The following C2CD3 variants were observed in gnomAD, a reference collection of about 807,000 sequenced individuals.
C2CD3 encodes the protein C2 domain containing 3 centriole elongation regulator.
A neutral mutation model predicts 234.0 loss-of-function variants in C2CD3; 148 were observed. That is an observed-to-expected ratio of 0.63 (90% CI 0.55 to 0.72). C2CD3 has a LOEUF of 0.72. C2CD3 is among the 30% of genes least tolerant of loss of function. C2CD3 has a pLI of 0.00. For missense variants in C2CD3, 2,577 were observed against 2,811.5 expected (o/e 0.92, Z 1.89); for synonymous variants, 1,000 against 1,035.4 (o/e 0.97, Z 0.66).
intron 7 of C2CD3, among the ~76,000 whole-genome samples, chr11:74,130,148 G>C (rs1210335689): frequency 7.4e-6 from 1 of 135,872 alleles, no homozygotes; most frequent in African/African-American, 3.3e-5. Context: ...AGAGGGAGAG[G>C]GGAGAGGGGA....
At chr11:74,070,669 G>A (rs4944036) in intron 24 of C2CD3, 73,056 of 151,862 alleles carry the variant, frequency 0.48, 17,577 homozygotes, top group Non-Finnish European at 0.48. Flanking sequence ...CAACAAATAT[G>A]ACCTTGCCTC....
chr11:74,165,111 A>G (rs1856720006), intron 2 of C2CD3, among the ~76,000 whole-genome samples: 1 of 152,204 alleles, frequency 6.6e-6, no homozygotes, highest in Non-Finnish European at 1.5e-5. Context: ...GAAATAAATA[A>G]AATGATTTTA....
chr11:74,140,362 G>A (rs958582995), intron 3 of C2CD3, among the ~76,000 whole-genome samples: 25 of 151,728 alleles, frequency 1.6e-4, no homozygotes, highest in Admixed American at 4.6e-4. Flanking sequence ...CCTTCTTTAC[G>A]TCTAAGTAGA....
intron 3 of C2CD3, among the ~76,000 whole-genome samples, chr11:74,153,292 G>T (rs1363424607): frequency 2.0e-5 from 3 of 152,048 alleles, no homozygotes; most frequent in Non-Finnish European, 4.4e-5. Flanking sequence ...CCTATGAAAA[G>T]AAAGAATGAA....
chr11:74,168,583 AG>A lies in C2CD3; in HGVS notation c.85del (p.Leu29CysfsTer13). 6.2e-7 allele frequency: 1 copy of A among 1,614,216 alleles called. No individual in the cohort carries two copies. The highest frequency in any genetic ancestry group is 2.2e-5 in the East Asian group (1 of 44,886). On this transcript the variant is annotated frameshift_variant, in exon 2 of 33. Transcript: ENST00000334126. LOFTEE classifies it high-confidence loss of function. ...GLSDISPSTS[L>X]PPLVEGQLRC... Reference sequence around the variant, plus strand: ...TAGCTGGCCTTCAACCAGAGGTGGCAGGCTTGTAGATGGAGAAATGTCACTT... The same window carrying A: ...TAGCTGGCCTTCAACCAGAGGTGGCAGCTTGTAGATGGAGAAATGTCACTT...
At chr11:74,036,501 G>C (rs1952747529) in intron 30 of C2CD3, 1 of 455,958 alleles carries the variant, frequency 2.2e-6, no homozygotes, top group Non-Finnish European at 4.4e-6. Flanking sequence ...GAAGAAGACA[G>C]AAAGAAGGTT....
chr11:74,130,754 T>C (rs1428687726), intron 7 of C2CD3, among the ~76,000 whole-genome samples: 1 of 152,192 alleles, frequency 6.6e-6, no homozygotes, highest in Non-Finnish European at 1.5e-5. Flanking sequence ...TGTTCTGTAG[T>C]AAGCTTTAAA....
chr11:74,078,597 T>C lies in C2CD3; in HGVS notation c.4121A>G (p.Asp1374Gly). 4 of 1,614,032 alleles carry C rather than the reference T, an allele frequency of 2.5e-6. No homozygotes were observed. Among genetic ancestry groups the C allele is most frequent in the Non-Finnish European group, 3.4e-6 (4 of 1,180,004 alleles). ...ELSISFTHRGDRERVLEAAEH... is the reference protein window; with the variant it reads ...ELSISFTHRGGRERVLEAAEH... The stretch of plus-strand genomic sequence containing the variant: ...AGCAGCTTCCAACACCCGTTCTCTA[T>C]CTCCACGATGCGTGAAGGAAATCGA... The change falls in exon 23 of 33, where the codon GAT becomes GGT. Residue 1374 changes from aspartate to glycine, a missense_variant. Coordinates refer to ENST00000334126, the MANE Select transcript of C2CD3 (RefSeq NM_001286577.2).
chr11:74,170,720 T>C lies in C2CD3; in HGVS notation c.55+18A>G, dbSNP rs376077620. The C allele has an allele frequency of 6.1e-5, 98 of 1,614,062 alleles. No individual in the cohort carries two copies. Among genetic ancestry groups the C allele is most frequent in the Non-Finnish European group, 7.9e-5 (93 of 1,180,018 alleles). ...CTCTCCTATTACGCTTTCCTCAATC[T>C]TTGATCGCTCAGGTTACCTCTTTTT... is the stretch of plus-strand genomic sequence containing the variant. On this transcript the variant is annotated intron_variant, in intron 1 of 32. Transcript: ENST00000334126.
At chr11:74,145,173 A>G (rs926355002) in intron 3 of C2CD3, among the ~76,000 whole-genome samples, 1 of 152,180 alleles carries the variant, frequency 6.6e-6, no homozygotes, top group African/African-American at 2.4e-5. Flanking sequence ...GAACTGATTT[A>G]TGCTCCCACC....
chr11:74,082,307 G>C (rs980475274), intron 22 of C2CD3, among the ~76,000 whole-genome samples: 15 of 152,110 alleles, frequency 9.9e-5, no homozygotes, highest in African/African-American at 3.4e-4. Context: ...AGTAGAGATG[G>C]GGTTTCACCT....
chr11:74,136,873 A>G (rs1022162935), intron 5 of C2CD3, among the ~76,000 whole-genome samples: 2 of 152,080 alleles, frequency 1.3e-5, no homozygotes, highest in Non-Finnish European at 2.9e-5. Flanking sequence ...GGGTGCAGCA[A>G]ACATCATGGC....
At chr11:74,025,629 T>G (rs1055959005) in intron 32 of C2CD3, among the ~76,000 whole-genome samples, 1 of 152,076 alleles carries the variant, frequency 6.6e-6, no homozygotes, top group African/African-American at 2.4e-5. Context: ...CGCTGACAGT[T>G]CATCCAAGAC....
intron 3 of C2CD3, among the ~76,000 whole-genome samples, chr11:74,159,823 T>G (rs751995936): frequency 2.0e-5 from 3 of 152,134 alleles, no homozygotes; most frequent in Non-Finnish European, 4.4e-5. Flanking sequence ...GGCCTTCACA[T>G]TCACTCACCA....
chr11:74,112,680 A>C (rs1326793562), intron 11 of C2CD3, among the ~76,000 whole-genome samples: 3 of 152,272 alleles, frequency 2.0e-5, no homozygotes, highest in African/African-American at 7.2e-5. Context: ...ATAAATGGCC[A>C]ATAAGCACAT....
chr11:74,037,399 C>T (rs1161949103), intron 30 of C2CD3, 79 bp downstream of exon 30: 7 of 1,145,636 alleles, frequency 6.1e-6, no homozygotes, highest in East Asian at 2.4e-5. Context: ...GGGGCTTGTC[C>T]GAAGGAACAC....
chr11:74,168,206 T>G, intron 2 of C2CD3, 138 bp downstream of exon 2: 1 of 677,498 alleles, frequency 1.5e-6, no homozygotes, highest in South Asian at 1.9e-5. Context: ...AAGAAAAATG[T>G]CTACTATAAA....
chr11:74,057,444 G>A lies in C2CD3; in HGVS notation c.5052C>T (p.Asn1684=). The change falls in exon 25 of 33, where the codon AAC becomes AAT. Residue 1684 remains asparagine, a synonymous_variant. Coordinates refer to ENST00000334126, the MANE Select transcript of C2CD3 (RefSeq NM_001286577.2). ...GAAAATTCCAGATGGGGGAATCTGTGTTTTCAACCACTTGGGTGTATACAG... is the reference window on the plus strand; with the variant it reads ...GAAAATTCCAGATGGGGGAATCTGTATTTTCAACCACTTGGGTGTATACAG... ...SSPVYTQVVE[N]TDSPIWNFQQ... 1 of 1,614,150 alleles carries A rather than the reference G, an allele frequency of 6.2e-7. No homozygotes were observed. Among genetic ancestry groups the A allele is most frequent in the African/African-American group, 1.3e-5 (1 of 75,044 alleles).
rs889810053 is a variant in C2CD3 at position 74,164,207 on chromosome 11, C to T, written c.326-2651G>A. ...TCCCTACTGTCCAGCACTATTCCTA[C>T]TCCGATTTGTCTTTCACATTCCTAC... is the stretch of plus-strand genomic sequence containing the variant. On this transcript the variant is annotated intron_variant, in intron 2 of 32. Coordinates refer to ENST00000334126, the MANE Select transcript of C2CD3 (RefSeq NM_001286577.2). 3.1e-6 allele frequency: 3 copies of T among 962,704 alleles called. No individual in the cohort carries two copies. The African/African-American group carries it at 5.3e-5, about 17-fold the overall frequency. 59.6% of individuals were successfully genotyped at this position (962,704 alleles called of 1,614,324 possible).
Sources: gnomAD v4.1 joint callset for allele counts (sites outside exome capture counted in the v4.1 genomes callset) on GRCh38, gnomAD v4.1.1 for gene constraint, MANE v1.5 for transcripts, NCBI Gene and HGNC (gene_info 2026-07-23, HGNC 2026-07-21) for gene names.